LTBP1: variants seen among roughly 807,000 people sequenced by gnomAD.
LTBP1 encodes latent transforming growth factor beta binding protein 1.
In LTBP1, 129 loss-of-function variants were observed where a neutral mutation model predicts 207.6. That is an observed-to-expected ratio of 0.62 (90% CI 0.54 to 0.72). LTBP1 has a LOEUF of 0.72. Ranked by LOEUF, LTBP1 falls within the 30% of genes least tolerant of loss-of-function variation. The pLI is 0.00. For synonymous variants in LTBP1, 963 were observed against 833.7 expected (o/e 1.16, Z -2.67); for missense variants, 2,281 against 2,217.2 (o/e 1.03, Z -0.58).
chr2:33,033,207 T>C (rs1168254309), intron 3 of LTBP1, among the ~76,000 whole-genome samples: 1 of 150,982 alleles, frequency 6.6e-6, no homozygotes, highest in Non-Finnish European at 1.5e-5. Context: ...CCATCATTTC[T>C]AGTGTAAGTG....
At chr2:33,254,856 T>G (rs2092796775) in intron 11 of LTBP1, among the ~76,000 whole-genome samples, 1 of 93,544 alleles carries the variant, frequency 1.1e-5, no homozygotes, top group Non-Finnish European at 2.0e-5. Flanking sequence ...TGTTTGGTTT[T>G]TTTTTTTTTT....
At chr2:33,141,070 A>G (rs1265862759) in intron 5 of LTBP1, among the ~76,000 whole-genome samples, 1 of 152,246 alleles carries the variant, frequency 6.6e-6, no homozygotes, top group Non-Finnish European at 1.5e-5. Context: ...TGTGCCAGGT[A>G]TGGGGGTTCA....
intron 24 of LTBP1, among the ~76,000 whole-genome samples, chr2:33,322,224 C>T (rs768971481): frequency 3.3e-5 from 5 of 151,628 alleles, no homozygotes; most frequent in Non-Finnish European, 5.9e-5. Flanking sequence ...ACTTGCCTTG[C>T]AGCCAAAAAA....
chr2:32,985,334 G>C (rs942221850), intron 2 of LTBP1, among the ~76,000 whole-genome samples: 1 of 152,088 alleles, frequency 6.6e-6, no homozygotes, highest in Non-Finnish European at 1.5e-5. Context: ...TCAGGTAATC[G>C]CTACAGTAAG....
At chr2:33,227,996 G>A (rs1454489166) in intron 9 of LTBP1, among the ~76,000 whole-genome samples, 2 of 151,652 alleles carry the variant, frequency 1.3e-5, no homozygotes, top group South Asian at 2.1e-4. Flanking sequence ...CAGTAGAGAC[G>A]GGGTTTCACT....
At position 32,992,121 on chromosome 2, in the gene LTBP1, A is replaced by G. The variant is rs563851019; in HGVS notation, c.566-28788A>G. 4.6e-5 allele frequency among the ~76,000 whole-genome samples: 7 copies of G among 152,316 alleles called. No homozygotes were observed. The East Asian group carries it at 9.6e-4, about 21-fold the overall frequency. On this transcript the variant is annotated intron_variant, in intron 2 of 33. Coordinates refer to ENST00000404816, the MANE Select transcript of LTBP1 (RefSeq NM_206943.4). ...CAATTCAACAAGTTGAGAATCAGTT[A>G]CATGCAAGGCACTGTACTGTCCTCA...
chr2:33,119,936 ATTGT>A (rs1193685533), intron 4 of LTBP1, among the ~76,000 whole-genome samples: 2 of 152,114 alleles, frequency 1.3e-5, no homozygotes, highest in Non-Finnish European at 2.9e-5. Flanking sequence ...TTAGTTCTGC[ATTGT>A]TTGTTTTTGA....
chr2:33,036,308 C>G (rs2075916893), intron 3 of LTBP1, among the ~76,000 whole-genome samples: 1 of 152,084 alleles, frequency 6.6e-6, no homozygotes. Context: ...GAGGGGTCTG[C>G]ACTTTGAGAA....
At chr2:33,347,064 G>T (rs1005106121) in intron 25 of LTBP1, among the ~76,000 whole-genome samples, 29 of 143,032 alleles carry the variant, frequency 2.0e-4, no homozygotes, top group African/African-American at 7.3e-4. Flanking sequence ...CTTGCAGTGA[G>T]CCGAGATCGC....
At chr2:33,371,830 G>A (rs2150214294) in intron 31 of LTBP1, among the ~76,000 whole-genome samples, 1 of 152,302 alleles carries the variant, frequency 6.6e-6, no homozygotes, top group Middle Eastern at 3.4e-3. Context: ...GAAATATTAA[G>A]GGGAAAATTC....
chr2:33,202,873 T>C (rs760493716), intron 7 of LTBP1, among the ~76,000 whole-genome samples: 10 of 152,196 alleles, frequency 6.6e-5, no homozygotes, highest in Non-Finnish European at 1.3e-4. Flanking sequence ...AGGCTGAGGC[T>C]ACTAGACATC....
At chr2:33,125,891 G>A (rs1238941901) in intron 4 of LTBP1, among the ~76,000 whole-genome samples, 2 of 151,992 alleles carry the variant, frequency 1.3e-5, no homozygotes, top group Non-Finnish European at 2.9e-5. Context: ...TTACCTTAGA[G>A]TTTCTGTGGT....
At chr2:33,104,252 C>T (rs1048707193) in intron 3 of LTBP1, among the ~76,000 whole-genome samples, 1 of 152,160 alleles carries the variant, frequency 6.6e-6, no homozygotes, top group African/African-American at 2.4e-5. Flanking sequence ...GCGATTGTTT[C>T]CCTGCTGCTA....
intron 3 of LTBP1, among the ~76,000 whole-genome samples, chr2:33,055,481 A>AGTGGG (rs2076952628): frequency 6.6e-6 from 1 of 152,190 alleles, no homozygotes; most frequent in Non-Finnish European, 1.5e-5. Flanking sequence ...TCAAGGTCCC[A>AGTGGG]GTGGGGATCC....
In LTBP1 at chr2:32,947,588, CAAGCCGGGCGGCGCGGCCCTG is replaced by C. The variant is rs1196024246; in HGVS notation, c.265_285del (p.Lys89_Leu95del). 1 of 1,315,018 alleles carries C rather than the reference CAAGCCGGGCGGCGCGGCCCTG, an allele frequency of 7.6e-7. No homozygotes were observed. Among genetic ancestry groups the C allele is most frequent in the African/African-American group, 1.6e-5 (1 of 64,170 alleles). The allele number at this position is 1,315,018 out of a possible 1,614,324, so 81.5% of individuals were successfully genotyped here. On this transcript the variant is annotated inframe_deletion, in exon 1 of 34. Coordinates refer to ENST00000404816, the MANE Select transcript of LTBP1 (RefSeq NM_206943.4). ...CCTCGGAGAGGACCCGGCGCACGAG[CAAGCCGGGCGGCGCGGCCCTG>C]CAGGGGCTCAGACCGCCGCCGCCGC... is the stretch of plus-strand genomic sequence containing the variant.
At chr2:33,395,807 C>A (rs948038560) in intron 32 of LTBP1, among the ~76,000 whole-genome samples, 10 of 151,922 alleles carry the variant, frequency 6.6e-5, no homozygotes, top group Admixed American at 6.6e-4. Context: ...CAAGTTAGAC[C>A]TTATTGCCCT....
At chr2:33,154,951 G>A (rs1467124420) in intron 5 of LTBP1, among the ~76,000 whole-genome samples, 2 of 151,930 alleles carry the variant, frequency 1.3e-5, no homozygotes, top group Non-Finnish European at 2.9e-5. Flanking sequence ...TAAGTCCAGC[G>A]ACTTGGGAGG....
intron 7 of LTBP1, among the ~76,000 whole-genome samples, chr2:33,197,844 A>G (rs186741762): frequency 6.6e-6 from 1 of 152,234 alleles, no homozygotes; most frequent in East Asian, 1.9e-4. Context: ...GAACCCAGGA[A>G]CCTGCCTCGT....
intron 27 of LTBP1, 50 bp downstream of exon 27, chr2:33,360,829 G>T: frequency 6.5e-7 from 1 of 1,546,152 alleles, no homozygotes. Context: ...GTCACATGGT[G>T]TCCCTGGGCC....
Sources: allele counts gnomAD v4.1 joint callset (sites outside exome capture counted in the v4.1 genomes callset), GRCh38; gene constraint gnomAD v4.1.1; transcripts MANE v1.5; gene names NCBI Gene and HGNC (gene_info 2026-07-23, HGNC 2026-07-21).